The following SUSD1 variants were observed in gnomAD, a reference collection of about 807,000 sequenced individuals.
SUSD1 encodes sushi domain-containing protein 1.
A neutral mutation model predicts 86.9 loss-of-function variants in SUSD1; 65 were observed. The ratio of observed to expected loss-of-function variants is 0.75; its 90% CI spans 0.61 to 0.92. SUSD1 has a LOEUF of 0.92. Ranked by LOEUF, SUSD1 falls within the 40% of genes least tolerant of loss-of-function variation. SUSD1 has a pLI of 0.00. For synonymous variants in SUSD1, 346 were observed against 350.0 expected (o/e 0.99, Z 0.13); for missense variants, 850 against 929.7 (o/e 0.91, Z 1.11).
At chr9:112,149,611 C>G (rs1391679493) in intron 2 of SUSD1, among the ~76,000 whole-genome samples, 1 of 152,168 alleles carries the variant, frequency 6.6e-6, no homozygotes, top group Non-Finnish European at 1.5e-5. Context: ...TATGAAACCC[C>G]AAGAGAAACA....
At chr9:112,099,630 A>G (rs2131611098) in intron 9 of SUSD1, among the ~76,000 whole-genome samples, 1 of 152,220 alleles carries the variant, frequency 6.6e-6, no homozygotes, top group South Asian at 2.1e-4. Flanking sequence ...TAGGGAAAAA[A>G]CTTTCGTGAA....
At chr9:112,163,484 T>C (rs925156467) in intron 1 of SUSD1, among the ~76,000 whole-genome samples, 1 of 150,812 alleles carries the variant, frequency 6.6e-6, no homozygotes, top group African/African-American at 2.4e-5. Flanking sequence ...AAAAAAAAAA[T>C]TTAATTAGCT....
At chr9:112,133,249 T>C (rs1832108070) in intron 5 of SUSD1, among the ~76,000 whole-genome samples, 1 of 152,184 alleles carries the variant, frequency 6.6e-6, no homozygotes, top group South Asian at 2.1e-4. Flanking sequence ...CACTCCACCC[T>C]GGGCAACCTC....
At chr9:112,041,981 C>T (rs752685299) in intron 15 of SUSD1, 21 bp from the exon 16 acceptor site, 4 of 1,612,240 alleles carry the variant, frequency 2.5e-6, no homozygotes, top group Non-Finnish European at 3.4e-6. Context: ...AAACCACAGG[C>T]TTAGCCCAGA....
rs183959535 is a variant in SUSD1 at position 112,078,111 on chromosome 9, G to A, written c.1753+427C>T. On this transcript the variant is annotated intron_variant, in intron 12 of 16. Coordinates refer to ENST00000374270, the MANE Select transcript of SUSD1 (RefSeq NM_022486.5). ...TGTAATCCCAGCACTTTGGGAGGCC[G>A]AGGCAGGTGGATTGCTTGAGCCCAG... 1.1e-3 allele frequency among the ~76,000 whole-genome samples: 175 copies of A among 152,190 alleles called. 1 individual carries two copies. The highest frequency in any genetic ancestry group is 3.7e-3 in the African/African-American group (155 of 41,520).
At chr9:112,116,993 A>C (rs541439076) in intron 6 of SUSD1, among the ~76,000 whole-genome samples, 2 of 152,272 alleles carry the variant, frequency 1.3e-5, no homozygotes, top group South Asian at 4.1e-4. Flanking sequence ...TAGAGAAATT[A>C]GCCAGGTGTG....
chr9:112,045,134 C>T (rs745791725), intron 15 of SUSD1, among the ~76,000 whole-genome samples: 3 of 150,428 alleles, frequency 2.0e-5, no homozygotes, highest in Non-Finnish European at 4.5e-5. Flanking sequence ...GACTAATTAA[C>T]TAGATTTGTT....
At chr9:112,090,893 TAG>T (rs1313841976) in intron 10 of SUSD1, among the ~76,000 whole-genome samples, 2 of 152,152 alleles carry the variant, frequency 1.3e-5, no homozygotes, top group Non-Finnish European at 2.9e-5. Context: ...TACGCATGAT[TAG>T]AAAATGAAGG....
intron 14 of SUSD1, 82 bp downstream of exon 14, chr9:112,058,346 C>G (rs1828543613): frequency 6.6e-7 from 1 of 1,507,050 alleles, no homozygotes; most frequent in Admixed American, 2.2e-5. Flanking sequence ...CTCTCATATA[C>G]TTGGAAAATA....
intron 1 of SUSD1, among the ~76,000 whole-genome samples, chr9:112,165,661 C>T (rs1467815983): frequency 2.0e-5 from 3 of 151,870 alleles, no homozygotes; most frequent in Middle Eastern, 3.4e-3. Flanking sequence ...CCACCCACCT[C>T]GGCCTCCCAA....
intron 12 of SUSD1, among the ~76,000 whole-genome samples, chr9:112,063,634 A>G (rs1828832879): frequency 6.6e-6 from 1 of 152,154 alleles, no homozygotes; most frequent in South Asian, 2.1e-4. Flanking sequence ...CCCAGCAACA[A>G]GATTTCCCAA....
At chr9:112,133,550 G>A (rs569576259) in intron 5 of SUSD1, among the ~76,000 whole-genome samples, 39 of 152,254 alleles carry the variant, frequency 2.6e-4, no homozygotes, top group African/African-American at 5.5e-4. Flanking sequence ...GCCATTTACC[G>A]TACATAAAAA....
intron 5 of SUSD1, among the ~76,000 whole-genome samples, chr9:112,127,985 T>G (rs1384914054): frequency 6.6e-6 from 1 of 151,886 alleles, no homozygotes; most frequent in Non-Finnish European, 1.5e-5. Context: ...CAGTTTTTTG[T>G]AGAGACGGGG....
intron 7 of SUSD1, among the ~76,000 whole-genome samples, chr9:112,112,481 A>T (rs1206621005): frequency 6.6e-6 from 1 of 151,944 alleles, no homozygotes; most frequent in African/African-American, 2.4e-5. Context: ...CTGAAAATAC[A>T]AAAAATTAGC....
At position 112,173,538 on chromosome 9, in the gene SUSD1, G is replaced by A. The variant is rs896584940; in HGVS notation, c.103+1595C>T. The A allele has an allele frequency of 8.2e-5, 25 of 303,710 alleles. 1 individual carries two copies. The highest frequency in any genetic ancestry group is 7.7e-4 in the South Asian group (23 of 29,814). The allele number at this position is 303,710 out of a possible 1,614,324, so 18.8% of individuals were successfully genotyped here. On this transcript the variant is annotated intron_variant, in intron 1 of 16. Transcript: ENST00000374270. ...CACAGATCTCTACTCTGAAGGCTTT[G>A]TAGGGGCCTGAGCTCCTTCGGGAGT...
intron 8 of SUSD1, among the ~76,000 whole-genome samples, chr9:112,107,006 T>C (rs929075759): frequency 6.6e-6 from 1 of 151,902 alleles, no homozygotes; most frequent in Non-Finnish European, 1.5e-5. Context: ...GGCTCACACC[T>C]GTAATCCAAG....
intron 14 of SUSD1, among the ~76,000 whole-genome samples, chr9:112,057,210 A>T (rs2118944862): frequency 6.6e-6 from 1 of 152,296 alleles, no homozygotes; most frequent in African/African-American, 2.4e-5. Flanking sequence ...CTCACTGGGG[A>T]ACTGAATCAG....
chr9:112,158,524 TG>T (rs1377061072), intron 1 of SUSD1, among the ~76,000 whole-genome samples: 5 of 152,086 alleles, frequency 3.3e-5, no homozygotes, highest in Non-Finnish European at 7.4e-5. Flanking sequence ...CCTAAGTAGC[TG>T]GGACTACAGG....
At chr9:112,149,485 C>T (rs544041350) in intron 2 of SUSD1, 86 bp from the exon 3 acceptor site, 43 of 1,461,394 alleles carry the variant, frequency 2.9e-5, no homozygotes, top group Middle Eastern at 5.0e-4. Flanking sequence ...GCTATGGACT[C>T]GGGAACCAAC....
Sources: allele counts gnomAD v4.1 joint callset (sites outside exome capture counted in the v4.1 genomes callset), GRCh38; gene constraint gnomAD v4.1.1; transcripts MANE v1.5; gene names NCBI Gene and HGNC (gene_info 2026-07-23, HGNC 2026-07-21).